The following ANK2 variants were observed in gnomAD, a reference collection of about 807,000 sequenced individuals.
ANK2 encodes ankyrin 2, also known as ankyrin-2.
Under a neutral mutation model 360.5 loss-of-function variants are expected in ANK2, and 83 were observed. The observed-to-expected ratio is 0.23, with a 90% confidence interval of 0.19 to 0.28. The LOEUF (loss-of-function observed/expected upper bound fraction) is 0.28. Among genes scored for constraint, ANK2 ranks in the 10% least tolerant of loss-of-function variants. ANK2 has a pLI of 1.00. For missense variants in ANK2, 4,201 were observed against 4,795.7 expected (o/e 0.88, Z 3.66); for synonymous variants, 1,740 against 1,759.5 (o/e 0.99, Z 0.28).
chr4:113,018,512 A>G (rs894538016), intron 2 of ANK2, among the ~76,000 whole-genome samples: 2 of 152,224 alleles, frequency 1.3e-5, no homozygotes, highest in East Asian at 1.9e-4. Context: ...TCAGAAATCT[A>G]GAGTTTAGAC....
chr4:113,011,979 T>G (rs986882170), intron 2 of ANK2, among the ~76,000 whole-genome samples: 12 of 152,130 alleles, frequency 7.9e-5, no homozygotes, highest in Non-Finnish European at 1.6e-4. Context: ...AGGGTTATTA[T>G]TCTCATAATA....
intron 2 of ANK2, among the ~76,000 whole-genome samples, chr4:112,972,429 TA>T (rs2039864778): frequency 2.6e-5 from 4 of 152,282 alleles, no homozygotes; most frequent in Admixed American, 2.6e-4. Flanking sequence ...TGTTATTATG[TA>T]AAATTTTCTG....
chr4:112,990,094 A>AC (rs1417262863), intron 2 of ANK2, among the ~76,000 whole-genome samples: 1 of 151,906 alleles, frequency 6.6e-6, no homozygotes, highest in Admixed American at 6.6e-5. Context: ...AAGTAGTGAG[A>AC]CCCCGTCTCT....
the ANK2 span, among the ~76,000 whole-genome samples, chr4:112,730,591 C>T: frequency 1.5e-5 from 2 of 129,258 alleles, no homozygotes; most frequent in Non-Finnish European, 3.2e-5. Flanking sequence ...GAGCCGAGAT[C>T]GCACCGTTGC....
At chr4:113,331,831 C>T in intron 27 of ANK2, 141 bp from the exon 28 acceptor site, 1 of 814,628 alleles carries the variant, frequency 1.2e-6, no homozygotes, top group Admixed American at 1.7e-5. Context: ...CTCTTTGTGA[C>T]CAATGGAGGG....
At chr4:113,196,736 T>G (rs2098753286) in intron 3 of ANK2, among the ~76,000 whole-genome samples, 1 of 152,126 alleles carries the variant, frequency 6.6e-6, no homozygotes, top group African/African-American at 2.4e-5. Context: ...CTTGCTATGT[T>G]GCCTTCCTGG....
the ANK2 span, among the ~76,000 whole-genome samples, chr4:112,775,301 T>C: frequency 1.3e-5 from 2 of 152,056 alleles, no homozygotes; most frequent in Non-Finnish European, 1.5e-5. Context: ...GGTGGATTAC[T>C]TGAGGTCGGA....
intron 1 of ANK2, among the ~76,000 whole-genome samples, chr4:112,818,892 T>G (rs2056153126): frequency 6.6e-6 from 1 of 152,234 alleles, no homozygotes; most frequent in South Asian, 2.1e-4. Context: ...TTTCTCCCTT[T>G]CCCAGCTAGT....
intron 20 of ANK2, 130 bp downstream of exon 20, chr4:113,288,616 G>A: frequency 1.3e-6 from 1 of 775,832 alleles, no homozygotes; most frequent in South Asian, 1.6e-5. Flanking sequence ...TTTTGACGAG[G>A]TGATGTAGTT....
chr4:112,796,515 A>AT, the ANK2 span, among the ~76,000 whole-genome samples: 20,176 of 151,624 alleles, frequency 0.13, 2,123 homozygotes, highest in East Asian at 0.5. Context: ...TAACTATTAA[A>AT]TTTTTTTTAA....
the ANK2 span, among the ~76,000 whole-genome samples, chr4:112,791,728 T>C: frequency 1.3e-5 from 2 of 152,004 alleles, no homozygotes; most frequent in Non-Finnish European, 2.9e-5. Flanking sequence ...CCTAGACTTG[T>C]GATCCGCCCA....
rs78811097 is a variant in ANK2 at position 113,247,294 on chromosome 4, T to G, written c.892-2470T>G. Among the ~76,000 whole-genome samples, 13 of 152,308 alleles carry G rather than the reference T, an allele frequency of 8.5e-5. No individual in the cohort carries two copies. In the East Asian group the frequency reaches 2.5e-3, roughly 29 times the overall value. Reference sequence around the variant, plus strand: ...TACAAAAGCTTGAAAAGAATTTTTTTGGGGCATTAACTTTATAATGTGCTT... The same window carrying G: ...TACAAAAGCTTGAAAAGAATTTTTTGGGGGCATTAACTTTATAATGTGCTT... On this transcript the variant is annotated intron_variant, in intron 9 of 45. Coordinates refer to ENST00000357077, the MANE Select transcript of ANK2 (RefSeq NM_001148.6).
intron 2 of ANK2, among the ~76,000 whole-genome samples, chr4:113,187,829 A>T (rs570381142): frequency 1.4e-4 from 22 of 152,226 alleles, no homozygotes; most frequent in Non-Finnish European, 2.6e-4. Flanking sequence ...TGAATGATTG[A>T]GTGGATATTG....
the ANK2 span, among the ~76,000 whole-genome samples, chr4:112,782,703 T>C: frequency 6.6e-6 from 1 of 151,700 alleles, no homozygotes; most frequent in African/African-American, 2.4e-5. Flanking sequence ...CCCCTGTCTC[T>C]ACCAAAAATA....
intron 1 of ANK2, among the ~76,000 whole-genome samples, chr4:113,088,001 A>G (rs2085705854): frequency 6.6e-6 from 1 of 152,152 alleles, no homozygotes; most frequent in African/African-American, 2.4e-5. Flanking sequence ...TTCATTTCAG[A>G]CTGATTTTAT....
intron 42 of ANK2, among the ~76,000 whole-genome samples, chr4:113,368,151 C>T (rs2096602872): frequency 6.6e-6 from 1 of 152,172 alleles, no homozygotes; most frequent in South Asian, 2.1e-4. Context: ...ACACTTGACT[C>T]ATCTCACAGG....
intron 1 of ANK2, among the ~76,000 whole-genome samples, chr4:113,146,322 T>C (rs965840438): frequency 4.6e-5 from 7 of 152,242 alleles, no homozygotes; most frequent in Non-Finnish European, 8.8e-5. Flanking sequence ...CTTTCAGCAA[T>C]ATTGCAGAGA....
rs1327570421 is a variant in ANK2 at position 113,343,050 on chromosome 4, T to C, written c.4156T>C (p.Phe1386Leu). The C allele has an allele frequency of 1.2e-6, 2 of 1,613,908 alleles. No individual in the cohort carries two copies. The highest frequency in any genetic ancestry group is 2.7e-5 in the African/African-American group (2 of 74,942). ...LEGKPIYVDCFGNLVPLTKSG... is the reference protein window; with the variant it reads ...LEGKPIYVDCLGNLVPLTKSG... ...AGGAAAACCCATCTACGTTGATTGT[T>C]TCGGCAACTTGGTACCATTAACTAA... Residue 1386 changes from phenylalanine (F) to leucine (L), a missense_variant, in exon 34 of 46, where the codon TTC becomes CTC. Around this residue, in one of 4 missense-constraint regions of ANK2, gnomAD observed 1,268 missense variants for 1,650.8 expected, o/e 0.77. Coordinates refer to ENST00000357077, the MANE Select transcript of ANK2 (RefSeq NM_001148.6).
intron 37 of ANK2, among the ~76,000 whole-genome samples, chr4:113,352,499 T>C (rs947117663): frequency 6.6e-6 from 1 of 152,200 alleles, no homozygotes; most frequent in African/African-American, 2.4e-5. Flanking sequence ...GAACTAAACA[T>C]ACTGAATTTC....
Sources: allele counts gnomAD v4.1 joint callset (sites outside exome capture counted in the v4.1 genomes callset), GRCh38; gene constraint gnomAD v4.1.1; regional missense constraint gnomAD v4.1.1; transcripts MANE v1.5; gene names NCBI Gene and HGNC (gene_info 2026-07-23, HGNC 2026-07-21).